MOB2: variants seen among roughly 807,000 people sequenced by gnomAD.
The protein encoded by MOB2 is MOB kinase activator 2.
In MOB2, 14 loss-of-function variants were observed where a neutral mutation model predicts 27.4. That is an observed-to-expected ratio of 0.51 (90% CI 0.34 to 0.80). MOB2 has a LOEUF of 0.80. Ranked by LOEUF, MOB2 falls within the 30% of genes least tolerant of loss-of-function variation. The pLI is 0.01. For synonymous variants in MOB2, 167 were observed against 151.8 expected (o/e 1.10, Z -0.74); for missense variants, 304 against 354.6 (o/e 0.86, Z 1.15).
chr11:1,470,878 AG>A (rs1811479974), intron 4 of MOB2, among the ~76,000 whole-genome samples: 1 of 152,244 alleles, frequency 6.6e-6, no homozygotes, highest in African/African-American at 2.4e-5. Context: ...ATGGTGGCAC[AG>A]GCCTCTCCTG....
In MOB2 at chr11:1,470,118, GAACA is replaced by G; in HGVS notation, c.*50_*53del. The stretch of plus-strand genomic sequence containing the variant: ...TGTGTGCACACGCAGATGCAGGAGA[GAACA>G]CACACCACCGTCTCTTTGCACACGT... On this transcript the variant is annotated 3_prime_UTR_variant, in exon 5 of 5. Coordinates refer to ENST00000329957, the MANE Select transcript of MOB2 (RefSeq NM_001172223.3). 1 of 1,551,248 alleles carries G rather than the reference GAACA, an allele frequency of 6.4e-7. No individual in the cohort carries two copies. The highest frequency in any genetic ancestry group is 8.7e-7 in the Non-Finnish European group (1 of 1,148,386).
At chr11:1,480,631 C>A (rs983786080) in intron 2 of MOB2, 94 bp downstream of exon 2, 1 of 1,533,040 alleles carries the variant, frequency 6.5e-7, no homozygotes, top group African/African-American at 1.4e-5. Context: ...CGGCAGGGGG[C>A]TGCTGAGCAC....
chr11:1,480,852 G>T lies in MOB2; in HGVS notation c.144C>A (p.Pro48=), dbSNP rs369411112. ...KSKAKPNGKK[P]AAEERKAYLE... The stretch of plus-strand genomic sequence containing the variant: ...GGTAGGCCTTCCTCTCCTCCGCAGC[G>T]GGCTTCTTGCCATTAGGCTTGGCTT... The change falls in exon 2 of 5, where the codon CCC becomes CCA. Residue 48 remains proline (P), a synonymous_variant. Transcript: ENST00000329957. 6.4e-7 allele frequency: 1 copy of T among 1,566,532 alleles called. No individual in the cohort carries two copies.
In MOB2 at chr11:1,486,667, G is replaced by A. The variant is rs141346178; in HGVS notation, c.-111C>T. ...AGCCTCACTCCCTGGCCAATGGGAC[G>A]CCTGGCAGAGACAAACAGCTGCCCC... On this transcript the variant is annotated 5_prime_UTR_variant, in exon 1 of 5. Transcript: ENST00000329957. The A allele has an allele frequency of 1.0e-5, 7 of 699,804 alleles. No homozygotes were observed. The highest frequency in any genetic ancestry group is 4.5e-5 in the Admixed American group (2 of 44,092). 43.3% of individuals were successfully genotyped at this position (699,804 alleles called of 1,614,324 possible).
intron 3 of MOB2, among the ~76,000 whole-genome samples, chr11:1,475,561 C>A (rs925708333): frequency 1.4e-4 from 21 of 152,310 alleles, no homozygotes; most frequent in African/African-American, 4.8e-4. Flanking sequence ...TCCTGAGTAG[C>A]CAGGATTACA....
intron 3 of MOB2, among the ~76,000 whole-genome samples, chr11:1,476,231 A>AG (rs1365750141): frequency 1.3e-5 from 2 of 152,366 alleles, no homozygotes; most frequent in East Asian, 1.9e-4. Context: ...ACTGTAGATA[A>AG]GGGGGGCTTA....
At chr11:1,481,933 C>T (rs752892294) in intron 1 of MOB2, among the ~76,000 whole-genome samples, 6 of 152,170 alleles carry the variant, frequency 3.9e-5, no homozygotes, top group Non-Finnish European at 5.9e-5. Flanking sequence ...GGTGAGCTTC[C>T]GTGTAGCCTG....
At chr11:1,477,183 T>A (rs1233646899) in intron 3 of MOB2, among the ~76,000 whole-genome samples, 2 of 152,254 alleles carry the variant, frequency 1.3e-5, no homozygotes, top group Non-Finnish European at 2.9e-5. Context: ...ATGTGATTTC[T>A]ACACAGGCCG....
chr11:1,472,709 C>T (rs1847807689), intron 3 of MOB2: 1 of 152,574 alleles, frequency 6.6e-6, no homozygotes, highest in South Asian at 2.1e-4. Context: ...TTCCAGAGCC[C>T]ACCAAGGCAC....
Position 1,480,778 on chromosome 11 carries a change from T to C in MOB2, c.218A>G (p.Glu73Gly), listed in dbSNP as rs1242104718. The change falls in exon 2 of 5, where the codon GAG becomes GGG. Residue 73 changes from glutamate (E) to glycine (G), a missense_variant. Glu to Gly is a moderately conservative substitution (Grantham distance 98). Transcript: ENST00000329957. ...KARITDFQFK[E>G]LVVLPREIDL... Reference sequence around the variant, plus strand: ...AATCTCGCGGGGCAGCACCACCAGCTCCTTGAACTGGAAGTCGGTGATCCT... The same window carrying C: ...AATCTCGCGGGGCAGCACCACCAGCCCCTTGAACTGGAAGTCGGTGATCCT... The C allele has an allele frequency of 1.9e-6, 3 of 1,604,424 alleles. No homozygotes were observed. The African/African-American group carries it at 4.0e-5, about 21-fold the overall frequency.
intron 3 of MOB2, among the ~76,000 whole-genome samples, chr11:1,477,118 G>A (rs554558653): frequency 9.2e-5 from 14 of 152,182 alleles, no homozygotes; most frequent in Admixed American, 2.0e-4. Flanking sequence ...CCGTGCTCTC[G>A]CTGACTGTCT....
intron 3 of MOB2, among the ~76,000 whole-genome samples, chr11:1,478,684 GCTT>G (rs1240888554): frequency 4.6e-5 from 7 of 152,212 alleles, no homozygotes; most frequent in Non-Finnish European, 1.0e-4. Flanking sequence ...GGTTTGCTTA[GCTT>G]CTTAAGTCTG....
At chr11:1,473,600 T>C (rs1036583244) in intron 3 of MOB2, among the ~76,000 whole-genome samples, 3 of 152,118 alleles carry the variant, frequency 2.0e-5, no homozygotes, top group Non-Finnish European at 4.4e-5. Context: ...CTCAAAACAG[T>C]GGAGGTTAGA....
chr11:1,481,927 A>G (rs963121878), intron 1 of MOB2, among the ~76,000 whole-genome samples: 2 of 152,144 alleles, frequency 1.3e-5, no homozygotes, highest in African/African-American at 4.8e-5. Context: ...AGACAGGGTG[A>G]GCTTCCGTGT....
chr11:1,470,265 T>C lies in MOB2; in HGVS notation c.714A>G (p.Leu238=). ...TGTGGACCCCGCCGGCCCCGCTGCA[T>C]AGCACCTCGGTGAGGTCGTCCATGA... ...TAIMDDLTEV[L]CSGAGGVHSG... The change falls in exon 5 of 5, where the codon CTA becomes CTG. Residue 238 remains leucine (L), a synonymous_variant. Transcript: ENST00000329957. 6.2e-7 allele frequency: 1 copy of C among 1,612,932 alleles called. No homozygotes were observed. Among genetic ancestry groups the C allele is most frequent in the Non-Finnish European group, 8.5e-7 (1 of 1,179,862 alleles).
chr11:1,469,715 G>A lies in MOB2; in HGVS notation c.*457C>T, dbSNP rs367576485. On this transcript the variant is annotated 3_prime_UTR_variant, in exon 5 of 5. Transcript: ENST00000329957. ...AACAGCCAAGACTCCTGGCGAGGCC[G>A]GGAGAGGAGGGGTGAGAGGGAAGGA... is the stretch of plus-strand genomic sequence containing the variant. 1.0e-3 allele frequency: 479 copies of A among 460,062 alleles called. 3 individuals carry two copies. Among genetic ancestry groups the A allele is most frequent in the African/African-American group, 8.1e-3 (410 of 50,370 alleles). 28.5% of individuals were successfully genotyped at this position (460,062 alleles called of 1,614,324 possible). A position where few individuals can be genotyped will look rare whatever the true frequency, so the allele number is the denominator to read the frequency against.
Position 1,470,410 on chromosome 11 carries a change from T to C in MOB2, c.569A>G (p.Tyr190Cys), listed in dbSNP as rs1202942087. 1.9e-6 allele frequency: 3 copies of C among 1,613,692 alleles called. No individual in the cohort carries two copies. Among genetic ancestry groups the C allele is most frequent in the Non-Finnish European group, 2.5e-6 (3 of 1,179,874 alleles). The change falls in exon 5 of 5, where the codon TAC becomes TGC. Residue 190 changes from tyrosine to cysteine, a missense_variant. Tyr to Cys is a radical substitution (Grantham distance 194, BLOSUM62 -2). Coordinates refer to ENST00000329957, the MANE Select transcript of MOB2 (RefSeq NM_001172223.3). ...CAGCGTCTCCTTGAAGTGGGCCCAG[T>C]AGATGTGTGCCAGCACGTGGAACAG... is the stretch of plus-strand genomic sequence containing the variant. ...RHLFHVLAHI[Y>C]WAHFKETLAL...
chr11:1,480,846 C>T lies in MOB2; in HGVS notation c.150G>A (p.Ala50=), dbSNP rs562296676. Reference sequence around the variant, plus strand: ...GCTCCAGGTAGGCCTTCCTCTCCTCCGCAGCGGGCTTCTTGCCATTAGGCT... The same window carrying T: ...GCTCCAGGTAGGCCTTCCTCTCCTCTGCAGCGGGCTTCTTGCCATTAGGCT... ...KAKPNGKKPA[A]EERKAYLEPE... Residue 50 remains alanine (A), a synonymous_variant, in exon 2 of 5, where the codon GCG becomes GCA. Transcript: ENST00000329957. The T allele has an allele frequency of 5.9e-5, 93 of 1,569,476 alleles. No homozygotes were observed. Among genetic ancestry groups the T allele is most frequent in the East Asian group, 1.2e-4 (5 of 42,224 alleles).
rs1212733459 is a variant in MOB2, at chr11:1,470,001, C to A, written c.*171G>T. On this transcript the variant is annotated 3_prime_UTR_variant, in exon 5 of 5. Transcript: ENST00000329957. Reference sequence around the variant, plus strand: ...ATCCATCCGACAGGGGGCCACAGGACACGGCCGGGGCCGTCTGCGTCTGTG... The same window carrying A: ...ATCCATCCGACAGGGGGCCACAGGAAACGGCCGGGGCCGTCTGCGTCTGTG... The A allele has an allele frequency of 6.0e-6, 9 of 1,511,244 alleles. No homozygotes were observed. Among genetic ancestry groups the A allele is most frequent in the Non-Finnish European group, 8.0e-6 (9 of 1,125,136 alleles). 93.6% of individuals were successfully genotyped at this position (1,511,244 alleles called of 1,614,324 possible).
Sources: gnomAD v4.1 joint callset for allele counts (sites outside exome capture counted in the v4.1 genomes callset) on GRCh38, gnomAD v4.1.1 for gene constraint, MANE v1.5 for transcripts, NCBI Gene and HGNC (gene_info 2026-07-23, HGNC 2026-07-21) for gene names.